PXDNL: variants seen among roughly 807,000 people sequenced by gnomAD.
The protein encoded by PXDNL is peroxidasin like, also known as probable oxidoreductase PXDNL.
PXDNL carries 145 observed loss-of-function variants against 150.8 expected under a neutral mutation model. The observed-to-expected ratio is 0.96, with a 90% CI of 0.84 to 1.10. The LOEUF is 1.10. Ranked by LOEUF, PXDNL falls within the 50% of genes least tolerant of loss-of-function variation. PXDNL has a pLI of 0.00. For synonymous variants in PXDNL, 757 were observed against 725.7 expected (o/e 1.04, Z -0.69); for missense variants, 2,087 against 1,873.9 (o/e 1.11, Z -2.10).
Position 51,654,721 on chromosome 8 carries a change from G to T in PXDNL, c.204C>A (p.Ser68Arg), listed in dbSNP as rs368766303. 5 of 1,613,124 alleles carry T rather than the reference G, an allele frequency of 3.1e-6. No homozygotes were observed. In the African/African-American group the frequency reaches 6.7e-5, roughly 22 times the overall value. Reference protein sequence around the residue: ...RFNRIREIPGSAFKKLKNLNT... With the variant: ...RFNRIREIPGRAFKKLKNLNT... ...TCAAATTCTTGAGTTTCTTGAAGGC[G>T]CTCCCTGGAATTTCTCTTATTCTGT... The change falls in exon 2 of 23, where the codon AGC (serine) becomes AGA (arginine). Residue 68 changes from serine (S) to arginine (R), a missense_variant. By Grantham distance (110) the Ser-to-Arg change is moderately radical. Transcript: ENST00000356297.
At chr8:51,516,200 C>T (rs1161278763) in intron 4 of PXDNL, among the ~76,000 whole-genome samples, 1 of 152,122 alleles carries the variant, frequency 6.6e-6, no homozygotes, top group East Asian at 1.9e-4. Context: ...TAACAACATC[C>T]TATAATTTAA....
chr8:51,594,897 C>T (rs964404871), intron 2 of PXDNL, among the ~76,000 whole-genome samples: 1 of 151,942 alleles, frequency 6.6e-6, no homozygotes, highest in Non-Finnish European at 1.5e-5. Context: ...AAATTCAGGG[C>T]GTAAAACAAT....
intron 4 of PXDNL, among the ~76,000 whole-genome samples, chr8:51,529,683 T>A (rs1811849081): frequency 6.6e-6 from 1 of 152,162 alleles, no homozygotes. Flanking sequence ...CAAGAAGACT[T>A]CTACTGTGAA....
At chr8:51,373,556 TA>T (rs1280924098) in intron 18 of PXDNL, among the ~76,000 whole-genome samples, 14 of 152,334 alleles carry the variant, frequency 9.2e-5, no homozygotes, top group African/African-American at 3.4e-4. Flanking sequence ...AAAATGATTT[TA>T]AAAAATTAAT....
At chr8:51,717,743 G>T (rs1011828939) in intron 1 of PXDNL, among the ~76,000 whole-genome samples, 2 of 152,228 alleles carry the variant, frequency 1.3e-5, no homozygotes, top group African/African-American at 2.4e-5. Flanking sequence ...GGCCTCATTG[G>T]CCCAACCTTT....
chr8:51,759,833 G>T (rs576170506), intron 1 of PXDNL, among the ~76,000 whole-genome samples: 2 of 152,290 alleles, frequency 1.3e-5, no homozygotes, highest in East Asian at 3.9e-4. Flanking sequence ...GAAATATCTT[G>T]CTTGGTGACA....
At chr8:51,517,982 A>G (rs527884684) in intron 4 of PXDNL, among the ~76,000 whole-genome samples, 1 of 152,306 alleles carries the variant, frequency 6.6e-6, no homozygotes, top group Admixed American at 6.5e-5. Flanking sequence ...TGTTTGGTGT[A>G]GTTAGTTCCT....
chr8:51,479,666 G>A (rs1810556406), intron 6 of PXDNL, among the ~76,000 whole-genome samples: 1 of 152,140 alleles, frequency 6.6e-6, no homozygotes, highest in South Asian at 2.1e-4. Context: ...AATAATGCAT[G>A]CACACGGACG....
At chr8:51,802,042 T>C (rs904674901) in intron 1 of PXDNL, among the ~76,000 whole-genome samples, 1 of 152,176 alleles carries the variant, frequency 6.6e-6, no homozygotes, top group African/African-American at 2.4e-5. Flanking sequence ...ATGTCTCTCA[T>C]AGCATATGTA....
chr8:51,509,585 T>A (rs975261644), intron 4 of PXDNL, among the ~76,000 whole-genome samples: 3 of 151,912 alleles, frequency 2.0e-5, no homozygotes, highest in Non-Finnish European at 2.9e-5. Flanking sequence ...TGCATGTGTC[T>A]CCTTCCCTGA....
At chr8:51,690,332 T>C (rs4621801) in intron 1 of PXDNL, among the ~76,000 whole-genome samples, 127,732 of 151,898 alleles carry the variant, frequency 0.84, 54,000 homozygotes, top group African/African-American at 0.93. Flanking sequence ...CCCCACACCC[T>C]ACAACAGTCC....
intron 1 of PXDNL, among the ~76,000 whole-genome samples, chr8:51,788,459 C>T (rs973351865): frequency 6.6e-6 from 1 of 152,172 alleles, no homozygotes; most frequent in African/African-American, 2.4e-5. Context: ...ATCATTCCAG[C>T]TTGGACATGA....
At chr8:51,736,881 C>CT (rs1265293277) in intron 1 of PXDNL, among the ~76,000 whole-genome samples, 3 of 152,202 alleles carry the variant, frequency 2.0e-5, no homozygotes, top group Admixed American at 1.3e-4. Context: ...AATTCCACTT[C>CT]TTCAAGTGTT....
chr8:51,686,079 A>C (rs1431034053), intron 1 of PXDNL, among the ~76,000 whole-genome samples: 1 of 152,212 alleles, frequency 6.6e-6, no homozygotes, highest in Non-Finnish European at 1.5e-5. Context: ...TGCCACTAAT[A>C]TTCTCATTCT....
chr8:51,406,846 G>A (rs1277859162), intron 17 of PXDNL, among the ~76,000 whole-genome samples: 12 of 152,114 alleles, frequency 7.9e-5, no homozygotes, highest in African/African-American at 2.7e-4. Context: ...CGGCTCCCAC[G>A]CCTACCACAG....
intron 1 of PXDNL, among the ~76,000 whole-genome samples, chr8:51,801,139 A>G (rs1308874963): frequency 6.6e-6 from 1 of 152,186 alleles, no homozygotes; most frequent in African/African-American, 2.4e-5. Context: ...TAGGAAAAGA[A>G]TTGCATTCCT....
At chr8:51,461,289 G>A (rs930202778) in intron 8 of PXDNL, among the ~76,000 whole-genome samples, 11 of 152,186 alleles carry the variant, frequency 7.2e-5, no homozygotes, top group Admixed American at 5.2e-4. Flanking sequence ...ACAGGAGCTG[G>A]GTGTGCTTCC....
intron 4 of PXDNL, among the ~76,000 whole-genome samples, chr8:51,548,951 A>T (rs1251547920): frequency 1.3e-5 from 2 of 152,164 alleles, no homozygotes; most frequent in Non-Finnish European, 2.9e-5. Flanking sequence ...ACACATAAGG[A>T]CTCACATAAA....
intron 12 of PXDNL, among the ~76,000 whole-genome samples, chr8:51,445,070 C>A (rs1554541186): frequency 6.6e-6 from 1 of 152,008 alleles, no homozygotes; most frequent in East Asian, 1.9e-4. Context: ...CAGGCACATG[C>A]CACCATGCCT....
Sources: allele counts gnomAD v4.1 joint callset (sites outside exome capture counted in the v4.1 genomes callset), GRCh38; gene constraint gnomAD v4.1.1; transcripts MANE v1.5; gene names NCBI Gene and HGNC (gene_info 2026-07-23, HGNC 2026-07-21).